The following ARHGAP32 variants were observed in gnomAD, a reference collection of about 807,000 sequenced individuals.
ARHGAP32 encodes the protein Rho GTPase activating protein 32.
Under a neutral mutation model 186.5 loss-of-function variants are expected in ARHGAP32, and 51 were observed. The observed-to-expected ratio is 0.27, with a 90% CI of 0.22 to 0.35. The LOEUF is 0.35. Ranked by LOEUF, ARHGAP32 falls within the 10% of genes least tolerant of loss-of-function variation. The probability of loss-of-function intolerance (pLI) is 1.00; values close to 1 mark genes in which losing one functional copy is unlikely to be tolerated. For missense variants in ARHGAP32, 2,186 were observed against 2,623.5 expected (o/e 0.83, Z 3.64); for synonymous variants, 950 against 964.3 (o/e 0.99, Z 0.27).
chr11:129,064,689 G>A (rs950844684), intron 8 of ARHGAP32, among the ~76,000 whole-genome samples, 152 bp downstream of exon 8: 7 of 152,050 alleles, frequency 4.6e-5, no homozygotes, highest in African/African-American at 9.7e-5. Context: ...AAAATATTTC[G>A]TGTATCACGT....
intron 2 of ARHGAP32, among the ~76,000 whole-genome samples, chr11:129,161,514 A>T (rs894285593): frequency 2.6e-5 from 4 of 152,230 alleles, no homozygotes; most frequent in Non-Finnish European, 5.9e-5. Context: ...ACTTCTCAAA[A>T]GAAGACATTT....
intron 1 of ARHGAP32, among the ~76,000 whole-genome samples, chr11:129,264,374 A>C (rs561687942): frequency 3.6e-4 from 55 of 152,350 alleles, no homozygotes; most frequent in Middle Eastern, 3.4e-3. Context: ...TGGCTAAGAT[A>C]GCGAATTTTA....
Position 128,974,442 on chromosome 11 carries a change from TAGA to T in ARHGAP32, c.2752_2754del (p.Ser918del). On this transcript the variant is annotated inframe_deletion, in exon 21 of 23. Coordinates refer to ENST00000682385, the MANE Select transcript of ARHGAP32 (RefSeq NM_001378024.1). ...ACTGAAATTGGCTCAGATATGCTCA[TAGA>T]AGGTGATTTGCTTAATTTCCGTCCT... 4.3e-6 allele frequency: 7 copies of T among 1,614,212 alleles called. No individual in the cohort carries two copies. The highest frequency in any genetic ancestry group is 5.9e-6 in the Non-Finnish European group (7 of 1,180,042).
chr11:129,157,605 T>C (rs1565448316), intron 2 of ARHGAP32, among the ~76,000 whole-genome samples: 1 of 152,166 alleles, frequency 6.6e-6, no homozygotes, highest in Non-Finnish European at 1.5e-5. Context: ...TATCTTTGGC[T>C]GGTGTACCTG....
At position 129,228,225 on chromosome 11, in the gene ARHGAP32, C is replaced by T. The variant is rs141695507; in HGVS notation, c.-5+50921G>A. Reference sequence around the variant, plus strand: ...AACTAATGAGATGTAATGAAAGCCACACTTAGAGGAAATGTATAGCTGTAA... The same window carrying T: ...AACTAATGAGATGTAATGAAAGCCATACTTAGAGGAAATGTATAGCTGTAA... On this transcript the variant is annotated intron_variant, in intron 1 of 6. Coordinates refer to the ARHGAP32 transcript ENST00000525234. 1.5e-3 allele frequency among the ~76,000 whole-genome samples: 225 copies of T among 152,176 alleles called. 1 individual carries two copies. The highest frequency in any genetic ancestry group is 5.0e-3 in the African/African-American group (208 of 41,528).
intron 11 of ARHGAP32, among the ~76,000 whole-genome samples, chr11:129,039,754 G>A (rs1455178639): frequency 6.6e-6 from 1 of 152,024 alleles, no homozygotes; most frequent in Non-Finnish European, 1.5e-5. Context: ...TTAAAATAAC[G>A]CCGTATTTTT....
intron 11 of ARHGAP32, 87 bp from the exon 12 acceptor site, chr11:128,998,555 G>A (rs1469576192): frequency 1.0e-6 from 1 of 968,984 alleles, no homozygotes; most frequent in Non-Finnish European, 1.4e-6. Flanking sequence ...TCAAGAGGCT[G>A]ACAGCAAAAT....
intron 1 of ARHGAP32, among the ~76,000 whole-genome samples, chr11:129,168,654 T>C (rs1378954976): frequency 6.6e-6 from 1 of 152,178 alleles, no homozygotes; most frequent in Non-Finnish European, 1.5e-5. Flanking sequence ...AATTCAATTT[T>C]CCAATGTGAA....
At chr11:129,130,219 C>T (rs891914677) in intron 2 of ARHGAP32, among the ~76,000 whole-genome samples, 8 of 151,968 alleles carry the variant, frequency 5.3e-5, no homozygotes, top group African/African-American at 1.9e-4. Context: ...GACACAGGAG[C>T]CAATGCAATT....
intron 5 of ARHGAP32, among the ~76,000 whole-genome samples, chr11:129,099,910 T>C (rs1941843546): frequency 6.6e-6 from 1 of 152,010 alleles, no homozygotes; most frequent in Non-Finnish European, 1.5e-5. Flanking sequence ...GGGAGAAAGC[T>C]GGGAACCCTG....
chr11:129,212,703 C>T (rs1441920526), intron 1 of ARHGAP32, among the ~76,000 whole-genome samples: 1 of 152,246 alleles, frequency 6.6e-6, no homozygotes, highest in East Asian at 1.9e-4. Context: ...AGTTACACTA[C>T]ATAAATGAAA....
In ARHGAP32 at chr11:128,995,577, G is replaced by A. The variant is rs142569558; in HGVS notation, c.1195+2742C>T. Among the ~76,000 whole-genome samples the A allele has an allele frequency of 5.3e-3, 814 of 152,308 alleles. 10 individuals carry two copies. The highest frequency in any genetic ancestry group is 0.018 in the African/African-American group (767 of 41,578). On this transcript the variant is annotated intron_variant, in intron 12 of 22. Transcript: ENST00000682385. The stretch of plus-strand genomic sequence containing the variant: ...CCCCTGTATGGGTGTGGTGGCTCAC[G>A]CCTGTAATCCCAGCACTTTGGGAGG...
At position 129,271,558 on chromosome 11, in the gene ARHGAP32, A is replaced by C. The variant is rs533291747; in HGVS notation, c.-5+7588T>G. ...ATTAGACATCCAAGGAGAGGCATGGAGTTACAAGAGTCTAGAGCGCAAGGG... is the reference window on the plus strand; with the variant it reads ...ATTAGACATCCAAGGAGAGGCATGGCGTTACAAGAGTCTAGAGCGCAAGGG... On this transcript the variant is annotated intron_variant, in intron 1 of 6. Transcript: ENST00000525234. Among the ~76,000 whole-genome samples the C allele has an allele frequency of 2.0e-5, 3 of 152,196 alleles. No homozygotes were observed. In the East Asian group the frequency reaches 5.8e-4, roughly 29 times the overall value.
chr11:129,002,806 T>TA (rs1491387055), intron 11 of ARHGAP32, among the ~76,000 whole-genome samples: 3 of 22,510 alleles, frequency 1.3e-4, no homozygotes, highest in African/African-American at 3.4e-4. Context: ...GGGATGTTGA[T>TA]TTTTTTTTTT....
chr11:129,119,200 C>T (rs565029068), intron 5 of ARHGAP32, among the ~76,000 whole-genome samples: 1 of 152,060 alleles, frequency 6.6e-6, no homozygotes, highest in South Asian at 2.1e-4. Context: ...AGGAACCGTA[C>T]TTCCTTTTCA....
At chr11:129,134,411 T>G (rs1287775422) in intron 2 of ARHGAP32, among the ~76,000 whole-genome samples, 1 of 151,932 alleles carries the variant, frequency 6.6e-6, no homozygotes, top group African/African-American at 2.4e-5. Context: ...GTAAAAGAAA[T>G]AAAAGACTGT....
intron 2 of ARHGAP32, among the ~76,000 whole-genome samples, chr11:129,135,703 C>T (rs1358541380): frequency 6.6e-6 from 1 of 151,900 alleles, no homozygotes; most frequent in African/African-American, 2.4e-5. Flanking sequence ...GGAGGCGGAG[C>T]TTGCAATGAG....
intron 1 of ARHGAP32, among the ~76,000 whole-genome samples, chr11:129,200,362 CGTT>C (rs1462320766): frequency 6.6e-6 from 1 of 152,144 alleles, no homozygotes; most frequent in Non-Finnish European, 1.5e-5. Flanking sequence ...AGTTCCCACA[CGTT>C]GTGGGAGGGA....
intron 11 of ARHGAP32, among the ~76,000 whole-genome samples, chr11:129,003,015 C>T (rs1309472552): frequency 6.6e-6 from 1 of 152,034 alleles, no homozygotes; most frequent in African/African-American, 2.4e-5. Context: ...TCACCTTGGT[C>T]TCGATCTCCT....
Sources: allele counts gnomAD v4.1 joint callset (sites outside exome capture counted in the v4.1 genomes callset), GRCh38; gene constraint gnomAD v4.1.1; transcripts MANE v1.5; gene names NCBI Gene and HGNC (gene_info 2026-07-23, HGNC 2026-07-21).